The following RPRD1B variants were observed in gnomAD, a reference collection of about 807,000 sequenced individuals.
RPRD1B encodes the protein regulation of nuclear pre-mRNA domain-containing protein 1B.
Under a neutral mutation model 41.5 loss-of-function variants are expected in RPRD1B, and 11 were observed. That is an observed-to-expected ratio of 0.27 (90% CI 0.17 to 0.44). The LOEUF (loss-of-function observed/expected upper bound fraction) is 0.44. RPRD1B is among the 20% of genes least tolerant of loss of function. The probability of loss-of-function intolerance (pLI) is 1.00; values close to 1 mark genes in which losing one functional copy is unlikely to be tolerated. For missense variants in RPRD1B, 248 were observed against 389.9 expected, an observed-to-expected ratio of 0.64 and a Z score of 3.06; for synonymous variants, 158 against 155.6, an observed-to-expected ratio of 1.02 and a Z score of -0.12.
chr20:38,084,067 G>T (rs1229163053), intron 6 of RPRD1B: 1 of 152,196 alleles, frequency 6.6e-6, no homozygotes, highest in Non-Finnish European at 1.5e-5. Context: ...GGTTTAAGAG[G>T]CTGTGCTTCT....
chr20:38,083,491 G>A (rs1490528326), intron 6 of RPRD1B, among the ~76,000 whole-genome samples: 4 of 151,942 alleles, frequency 2.6e-5, no homozygotes, highest in African/African-American at 9.7e-5. Flanking sequence ...CCTTGCTTCC[G>A]CATGTCCCTA....
chr20:38,074,037 G>A (rs958193996), intron 6 of RPRD1B, among the ~76,000 whole-genome samples: 2 of 152,228 alleles, frequency 1.3e-5, no homozygotes, highest in African/African-American at 4.8e-5. Flanking sequence ...AGGTCATTCT[G>A]TTGCCAAGTA....
intron 3 of RPRD1B, among the ~76,000 whole-genome samples, chr20:38,048,877 T>C (rs2074149393): frequency 1.3e-5 from 2 of 152,206 alleles, no homozygotes; most frequent in Non-Finnish European, 2.9e-5. Context: ...TTTTAAGAAC[T>C]TGATTTAATT....
intron 1 of RPRD1B, 49 bp downstream of exon 1, chr20:38,034,147 G>A: frequency 6.3e-7 from 1 of 1,584,858 alleles, no homozygotes; most frequent in Non-Finnish European, 8.6e-7. Flanking sequence ...TTGTCCTCTC[G>A]CCCACATACA....
chr20:38,066,257 G>C lies in RPRD1B; in HGVS notation c.831+1G>C, dbSNP rs1451616100. 2.5e-6 allele frequency: 4 copies of C among 1,613,944 alleles called. No individual in the cohort carries two copies. ...GTCGGAGAAGGAGAAAAAACTAGAG[G>C]TGAGTGCATTGAAGGCAGACCCAGA... is the stretch of plus-strand genomic sequence containing the variant. On this transcript the variant is annotated splice_donor_variant, in intron 6 of 6. Coordinates refer to ENST00000373433, the MANE Select transcript of RPRD1B (RefSeq NM_021215.4). LOFTEE classifies it high-confidence loss of function.
chr20:38,068,441 G>A (rs1415846109), intron 6 of RPRD1B, among the ~76,000 whole-genome samples: 1 of 152,176 alleles, frequency 6.6e-6, no homozygotes, highest in East Asian at 1.9e-4. Flanking sequence ...CACTCAGGTT[G>A]GAGTGCAGTG....
chr20:38,067,061 C>G (rs2074365233), intron 6 of RPRD1B, among the ~76,000 whole-genome samples: 1 of 152,310 alleles, frequency 6.6e-6, no homozygotes, highest in African/African-American at 2.4e-5. Flanking sequence ...ATTTATATAG[C>G]ACAGTTCTCA....
intron 6 of RPRD1B, among the ~76,000 whole-genome samples, chr20:38,081,736 A>T (rs139560291): frequency 1.3e-5 from 2 of 152,128 alleles, no homozygotes; most frequent in Non-Finnish European, 2.9e-5. Context: ...TTCGATGCCT[A>T]GTTTGTTGAG....
In RPRD1B at chr20:38,057,671, G is replaced by A. The variant is rs1049878705; in HGVS notation, c.528+27G>A. 4.0e-6 allele frequency: 6 copies of A among 1,517,118 alleles called. No homozygotes were observed. In the African/African-American group the frequency reaches 5.5e-5, roughly 14 times the overall value. The allele number at this position is 1,517,118 out of a possible 1,614,324, so 94.0% of individuals were successfully genotyped here. A position where few individuals can be genotyped will look rare whatever the true frequency, so the allele number is the denominator to read the frequency against. On this transcript the variant is annotated intron_variant, in intron 4 of 6. Coordinates refer to ENST00000373433, the MANE Select transcript of RPRD1B (RefSeq NM_021215.4). ...TAGGTCTTGACCCCCAGAGAGTAGG[G>A]AACAGTGGCTTAAAGTGACCTCTAG... is the stretch of plus-strand genomic sequence containing the variant.
intron 5 of RPRD1B, chr20:38,065,868 C>T: frequency 2.3e-6 from 1 of 431,248 alleles, no homozygotes; most frequent in East Asian, 3.5e-5. Context: ...ACAGCTTCCT[C>T]ACTTCAGGTA....
intron 6 of RPRD1B, among the ~76,000 whole-genome samples, chr20:38,069,943 T>TTTGTTCCTCAGTAAATAC (rs2074395366): frequency 6.6e-6 from 1 of 152,206 alleles, no homozygotes. Flanking sequence ...CAGGAACATA[T>TTTGTTCCTCAGTAAATAC]TTGTTCCTCA....
Position 38,034,062 on chromosome 20 carries a change from C to G in RPRD1B, c.115C>G (p.Pro39Ala), listed in dbSNP as rs767815952. ...WLIHHRKHAG[P>A]IVSVWHRELR... ...CATCCACCACCGCAAGCACGCGGGA[C>G]CCATCGTCTCCGTGTGGCACCGCGA... is the stretch of plus-strand genomic sequence containing the variant. Residue 39 changes from proline to alanine, a missense_variant, in exon 1 of 7, where the codon CCC becomes GCC. By Grantham distance (27) the Pro-to-Ala change is conservative. Around this residue, in one of 5 missense-constraint regions of RPRD1B, gnomAD observed 47 missense variants for 103.6 expected, o/e 0.45. Transcript: ENST00000373433. The G allele has an allele frequency of 2.5e-6, 4 of 1,614,186 alleles. No homozygotes were observed. The South Asian group carries it at 4.4e-5, about 18-fold the overall frequency.
chr20:38,046,347 A>C (rs968206343), intron 2 of RPRD1B, among the ~76,000 whole-genome samples: 3 of 152,224 alleles, frequency 2.0e-5, no homozygotes, highest in Non-Finnish European at 2.9e-5. Context: ...GTTGAAAGTT[A>C]AGTAACTGTA....
intron 6 of RPRD1B, among the ~76,000 whole-genome samples, chr20:38,086,095 G>A (rs1269624456): frequency 1.3e-5 from 2 of 152,116 alleles, no homozygotes; most frequent in South Asian, 4.1e-4. Context: ...GATTACAGGC[G>A]TGAACCACCT....
chr20:38,052,436 A>G (rs895940012), intron 3 of RPRD1B, among the ~76,000 whole-genome samples: 2 of 152,312 alleles, frequency 1.3e-5, no homozygotes, highest in Middle Eastern at 3.4e-3. Flanking sequence ...AAGGGTAGAC[A>G]GCTTGTAGAA....
intron 1 of RPRD1B, among the ~76,000 whole-genome samples, chr20:38,035,465 AC>A (rs754117525): frequency 3.3e-5 from 5 of 152,206 alleles, no homozygotes; most frequent in Non-Finnish European, 7.3e-5. Context: ...ACAGGCTCAG[AC>A]TACAACAGGC....
At chr20:38,063,506 C>T (rs749061960) in intron 5 of RPRD1B, among the ~76,000 whole-genome samples, 2 of 152,112 alleles carry the variant, frequency 1.3e-5, no homozygotes, top group Admixed American at 6.5e-5. Flanking sequence ...GGGGTGGGCT[C>T]AGGAGGAGAG....
rs79434728 is a variant in RPRD1B at position 38,056,922 on chromosome 20, G to A, written c.416-610G>A. Among the ~76,000 whole-genome samples, 342 of 152,320 alleles carry A rather than the reference G, an allele frequency of 2.2e-3. 4 individuals carry two copies. The East Asian group carries it at 0.061, about 27-fold the overall frequency. On this transcript the variant is annotated intron_variant, in intron 3 of 6. Coordinates refer to ENST00000373433, the MANE Select transcript of RPRD1B (RefSeq NM_021215.4). Reference sequence around the variant, plus strand: ...TCATAACAATGTAAAAACATACGGTGCAGATAGATCATAAATAATGTAACC... The same window carrying A: ...TCATAACAATGTAAAAACATACGGTACAGATAGATCATAAATAATGTAACC...
chr20:38,070,196 T>C (rs1370253778), intron 6 of RPRD1B: 1 of 984,998 alleles, frequency 1.0e-6, no homozygotes, highest in Non-Finnish European at 1.2e-6. Flanking sequence ...CATCTTTTTT[T>C]GTTTGTTTGT....
Sources: allele counts gnomAD v4.1 joint callset (sites outside exome capture counted in the v4.1 genomes callset), GRCh38; gene constraint gnomAD v4.1.1; regional missense constraint gnomAD v4.1.1; transcripts MANE v1.5; gene names NCBI Gene and HGNC (gene_info 2026-07-23, HGNC 2026-07-21).